EMCN: variants seen among roughly 807,000 people sequenced by gnomAD.
The protein encoded by EMCN is endomucin, also known as MUC-14.
EMCN carries 37 observed loss-of-function variants against 38.4 expected under a neutral mutation model. That is an observed-to-expected ratio of 0.96 (90% confidence interval 0.74 to 1.27). The LOEUF is 1.27. EMCN is among the 50% of genes most tolerant of loss of function. EMCN has a pLI of 0.00. For missense variants in EMCN, 318 were observed against 302.8 expected (o/e 1.05, Z -0.37); for synonymous variants, 95 against 100.8 (o/e 0.94, Z 0.35).
intron 1 of EMCN, among the ~76,000 whole-genome samples, chr4:100,502,075 CTTTTCATGG>C (rs1272342885): frequency 6.6e-6 from 1 of 152,096 alleles, no homozygotes; most frequent in Non-Finnish European, 1.5e-5. Flanking sequence ...AAAGGTCTTC[CTTTTCATGG>C]CAGGATGCAG....
At chr4:100,416,496 T>C (rs1726738278) in intron 9 of EMCN, among the ~76,000 whole-genome samples, 2 of 152,208 alleles carry the variant, frequency 1.3e-5, no homozygotes, top group African/African-American at 4.8e-5. Context: ...AATTATTTCC[T>C]TTGGACATCT....
chr4:100,405,614 A>C (rs903094460), intron 11 of EMCN, among the ~76,000 whole-genome samples: 9 of 151,920 alleles, frequency 5.9e-5, no homozygotes, highest in African/African-American at 1.9e-4. Context: ...TTCTGGGTTC[A>C]GTTTACTTTA....
chr4:100,401,354 G>T (rs1726254891), intron 11 of EMCN, among the ~76,000 whole-genome samples: 1 of 152,026 alleles, frequency 6.6e-6, no homozygotes, highest in African/African-American at 2.4e-5. Flanking sequence ...CTTGTATTAG[G>T]TATTACAAGT....
intron 1 of EMCN, among the ~76,000 whole-genome samples, chr4:100,485,852 G>C (rs1197095579): frequency 1.3e-5 from 2 of 152,058 alleles, no homozygotes; most frequent in African/African-American, 4.8e-5. Context: ...ATTATGTGAT[G>C]ATGCAACCTG....
chr4:100,418,758 T>C (rs556991384), intron 8 of EMCN, among the ~76,000 whole-genome samples: 26 of 151,960 alleles, frequency 1.7e-4, no homozygotes, highest in Middle Eastern at 3.4e-3. Flanking sequence ...TCACTGTGTA[T>C]AAGCACCACA....
At chr4:100,401,015 TG>T (rs1726243759) in intron 11 of EMCN, among the ~76,000 whole-genome samples, 1 of 152,124 alleles carries the variant, frequency 6.6e-6, no homozygotes, top group Non-Finnish European at 1.5e-5. Context: ...AATGAATAAA[TG>T]GCTATTTTAT....
intron 5 of EMCN, among the ~76,000 whole-genome samples, chr4:100,440,368 A>G (rs919339367): frequency 3.3e-5 from 5 of 152,026 alleles, no homozygotes; most frequent in African/African-American, 1.2e-4. Flanking sequence ...CCTAATGTGC[A>G]GTTTGTATTC....
chr4:100,493,934 A>C (rs1729147672), intron 1 of EMCN, among the ~76,000 whole-genome samples: 1 of 152,220 alleles, frequency 6.6e-6, no homozygotes, highest in African/African-American at 2.4e-5. Context: ...CATACTTTTT[A>C]ATTAAAAACA....
chr4:100,441,976 G>A (rs1727532810), intron 5 of EMCN, among the ~76,000 whole-genome samples: 1 of 152,112 alleles, frequency 6.6e-6, no homozygotes, highest in East Asian at 1.9e-4. Flanking sequence ...CCTCTTCAGT[G>A]AGTTTATACT....
intron 1 of EMCN, among the ~76,000 whole-genome samples, chr4:100,504,715 G>A (rs1161008317): frequency 6.6e-6 from 1 of 152,204 alleles, no homozygotes; most frequent in Non-Finnish European, 1.5e-5. Context: ...TTTGCCAAGC[G>A]GACCACGGTC....
At chr4:100,439,407 G>A (rs937682349) in intron 5 of EMCN, among the ~76,000 whole-genome samples, 1 of 151,372 alleles carries the variant, frequency 6.6e-6, no homozygotes, top group African/African-American at 2.4e-5. Flanking sequence ...CAATTTATCT[G>A]TTTAGATTAT....
chr4:100,467,139 G>T (rs1172846236), intron 3 of EMCN, among the ~76,000 whole-genome samples: 1 of 152,042 alleles, frequency 6.6e-6, no homozygotes, highest in African/African-American at 2.4e-5. Flanking sequence ...TCACAAATGA[G>T]AATTAGAGCC....
chr4:100,504,512 T>G (rs1729428564), intron 1 of EMCN, among the ~76,000 whole-genome samples: 3 of 152,220 alleles, frequency 2.0e-5, no homozygotes, highest in Admixed American at 2.0e-4. Context: ...CAATTACTCT[T>G]TATTCCAATA....
At chr4:100,506,089 T>G (rs887339389) in intron 1 of EMCN, among the ~76,000 whole-genome samples, 6 of 152,190 alleles carry the variant, frequency 3.9e-5, no homozygotes, top group Non-Finnish European at 7.3e-5. Flanking sequence ...GTGGTTTCTA[T>G]GTTTTTTAAA....
intron 5 of EMCN, among the ~76,000 whole-genome samples, chr4:100,436,449 G>C (rs1284834600): frequency 1.3e-5 from 2 of 152,152 alleles, no homozygotes; most frequent in African/African-American, 4.8e-5. Flanking sequence ...GGAAGACAGT[G>C]TAGCAATTCC....
rs1489766602 is a variant in EMCN, at chr4:100,450,042, G to C, written c.377-2471C>G. Among the ~76,000 whole-genome samples the C allele has an allele frequency of 1.3e-5, 2 of 151,988 alleles. 1 individual carries two copies. The highest frequency in any genetic ancestry group is 3.8e-4 in the East Asian group (2 of 5,200). ...ATGAATGCTATGGAATATGGCTAAA[G>C]TTCTGAGAATTAATGAGTGAAGATA... On this transcript the variant is annotated intron_variant, in intron 4 of 11. Coordinates refer to ENST00000296420, the MANE Select transcript of EMCN (RefSeq NM_016242.4).
intron 4 of EMCN, among the ~76,000 whole-genome samples, chr4:100,459,195 CT>C (rs1728103533): frequency 7.2e-5 from 2 of 27,722 alleles, no homozygotes; most frequent in South Asian, 2.4e-3. Context: ...CTCTCTCTCT[CT>C]CTCTCTCTCT....
intron 4 of EMCN, among the ~76,000 whole-genome samples, chr4:100,448,084 C>T (rs529830515): frequency 1.3e-5 from 2 of 152,056 alleles, no homozygotes; most frequent in Non-Finnish European, 2.9e-5. Context: ...CCTACTAAGA[C>T]TTGGTGCATC....
intron 1 of EMCN, among the ~76,000 whole-genome samples, chr4:100,505,459 C>T (rs1729458921): frequency 6.6e-6 from 1 of 151,966 alleles, no homozygotes; most frequent in Non-Finnish European, 1.5e-5. Context: ...ATCCTGAATT[C>T]CATTCCTTAG....
Sources: allele counts gnomAD v4.1 joint callset (sites outside exome capture counted in the v4.1 genomes callset), GRCh38; gene constraint gnomAD v4.1.1; transcripts MANE v1.5; gene names NCBI Gene and HGNC (gene_info 2026-07-23, HGNC 2026-07-21).